The following DIP2C variants were observed in gnomAD, a reference collection of about 807,000 sequenced individuals.
DIP2C encodes disco-interacting protein 2 homolog C.
DIP2C carries 33 observed loss-of-function variants against 192.4 expected under a neutral mutation model. The observed-to-expected ratio is 0.17, with a 90% confidence interval of 0.13 to 0.23. The LOEUF is 0.23. Among genes scored for constraint, DIP2C ranks in the 10% least tolerant of loss-of-function variants. The pLI, the probability that DIP2C is intolerant of heterozygous loss-of-function variation, is 1.00. For missense variants in DIP2C, 1,537 were observed against 2,110.1 expected, an observed-to-expected ratio of 0.73 and a Z score of 5.32; for synonymous variants, 979 against 864.1, an observed-to-expected ratio of 1.13 and a Z score of -2.33.
chr10:470,638 G>A (rs1482749152), intron 3 of DIP2C, among the ~76,000 whole-genome samples: 1 of 152,144 alleles, frequency 6.6e-6, no homozygotes, highest in East Asian at 1.9e-4. Flanking sequence ...ATGATCCGAA[G>A]GTAAACACAG....
At chr10:369,448 G>C in intron 18 of DIP2C, 46 bp downstream of exon 18, 1 of 1,484,118 alleles carries the variant, frequency 6.7e-7, no homozygotes, top group Non-Finnish European at 9.0e-7. Flanking sequence ...TGTTAGAAAA[G>C]CATTTAATAA....
chr10:541,396 C>T (rs970598853), intron 1 of DIP2C, among the ~76,000 whole-genome samples: 7 of 151,914 alleles, frequency 4.6e-5, no homozygotes, highest in Non-Finnish European at 1.0e-4. Flanking sequence ...CTGACCACAC[C>T]CATCTCTCCT....
intron 32 of DIP2C, among the ~76,000 whole-genome samples, chr10:306,499 G>A (rs1376999483): frequency 3.9e-5 from 6 of 152,324 alleles, no homozygotes; most frequent in East Asian, 1.9e-4. Context: ...AATTGGGCAG[G>A]TGCCTTGGAG....
intron 7 of DIP2C, among the ~76,000 whole-genome samples, chr10:414,789 A>AT (rs1379708732): frequency 7.6e-6 from 1 of 130,736 alleles, no homozygotes; most frequent in African/African-American, 2.9e-5. Context: ...ATATATATAT[A>AT]AAATGTATAT....
intron 1 of DIP2C, among the ~76,000 whole-genome samples, chr10:503,702 C>G (rs816593): frequency 0.088 from 13,458 of 152,250 alleles, 1,483 homozygotes; most frequent in African/African-American, 0.27. Context: ...TCTGCTGTGC[C>G]AAACACCGAG....
At chr10:508,271 A>C (rs1845768162) in intron 1 of DIP2C, among the ~76,000 whole-genome samples, 1 of 151,952 alleles carries the variant, frequency 6.6e-6, no homozygotes, top group African/African-American at 2.4e-5. Flanking sequence ...AGAGCCCCTC[A>C]CCCACTCCAG....
At chr10:447,735 TCA>T (rs1414391576) in intron 3 of DIP2C, among the ~76,000 whole-genome samples, 1 of 110,002 alleles carries the variant, frequency 9.1e-6, no homozygotes, top group Non-Finnish European at 1.7e-5. Flanking sequence ...ATGCTCAGGA[TCA>T]CACACAGTAG....
intron 17 of DIP2C, among the ~76,000 whole-genome samples, chr10:376,060 A>C (rs1171392823): frequency 6.6e-6 from 1 of 152,226 alleles, no homozygotes; most frequent in Non-Finnish European, 1.5e-5. Context: ...CATTTGTTGA[A>C]TTCTTACTAT....
chr10:415,924 CA>C, intron 6 of DIP2C, 36 bp from the exon 7 acceptor site: 2 of 1,612,640 alleles, frequency 1.2e-6, no homozygotes. Flanking sequence ...GGAAAGCGAT[CA>C]TCACAGCTTC....
chr10:613,855 G>A (rs760889600), intron 1 of DIP2C, among the ~76,000 whole-genome samples: 7 of 151,696 alleles, frequency 4.6e-5, no homozygotes, highest in East Asian at 1.9e-4. Context: ...TTGGTTCCCC[G>A]GCCACCCTCC....
chr10:371,254 T>C (rs1482055389), intron 17 of DIP2C, among the ~76,000 whole-genome samples: 1 of 152,098 alleles, frequency 6.6e-6, no homozygotes, highest in Non-Finnish European at 1.5e-5. Context: ...AGTCAGGCAC[T>C]GTGAGCTTCA....
chr10:481,369 G>A (rs987488568), intron 2 of DIP2C, among the ~76,000 whole-genome samples: 1 of 152,222 alleles, frequency 6.6e-6, no homozygotes, highest in Non-Finnish European at 1.5e-5. Context: ...AAGCCCAGTG[G>A]GAGAATCTGC....
chr10:577,132 ATGAG>A (rs1564218350), intron 1 of DIP2C, among the ~76,000 whole-genome samples: 1 of 152,200 alleles, frequency 6.6e-6, no homozygotes, highest in African/African-American at 2.4e-5. Context: ...TATTCCATAA[ATGAG>A]TAAGTTCCAG....
At chr10:293,934 G>A (rs1297268637) in intron 32 of DIP2C, among the ~76,000 whole-genome samples, 2 of 152,170 alleles carry the variant, frequency 1.3e-5, no homozygotes, top group Non-Finnish European at 2.9e-5. Flanking sequence ...TCCAGAAACA[G>A]ATACCAATCA....
At chr10:438,353 C>A (rs186936328) in intron 4 of DIP2C, among the ~76,000 whole-genome samples, 3 of 152,210 alleles carry the variant, frequency 2.0e-5, no homozygotes. Flanking sequence ...CGGTTAGTGC[C>A]AAGAATTCGG....
intron 1 of DIP2C, among the ~76,000 whole-genome samples, chr10:564,101 G>T (rs941377048): frequency 1.3e-5 from 2 of 152,142 alleles, no homozygotes; most frequent in Admixed American, 1.3e-4. Context: ...AAAAAATATG[G>T]AACAGAAAAA....
chr10:678,548 C>T (rs1830957311), intron 1 of DIP2C, among the ~76,000 whole-genome samples: 3 of 151,688 alleles, frequency 2.0e-5, no homozygotes, highest in African/African-American at 7.3e-5. Context: ...CCCATCTCTG[C>T]TCCCCATGCC....
chr10:293,336 C>T (rs1589406021), intron 32 of DIP2C, among the ~76,000 whole-genome samples: 2 of 152,344 alleles, frequency 1.3e-5, no homozygotes, highest in East Asian at 3.9e-4. Context: ...GCAGGGAAAC[C>T]CGGTCATGGA....
chr10:324,326 CAT>C (rs1029617651), intron 31 of DIP2C, among the ~76,000 whole-genome samples: 71 of 152,332 alleles, frequency 4.7e-4, no homozygotes, highest in African/African-American at 1.5e-3. Flanking sequence ...AACACTGGCA[CAT>C]GTGATACTGA....
Sources: gnomAD v4.1 joint callset for allele counts (sites outside exome capture counted in the v4.1 genomes callset) on GRCh38, gnomAD v4.1.1 for gene constraint, MANE v1.5 for transcripts, NCBI Gene and HGNC (gene_info 2026-07-23, HGNC 2026-07-21) for gene names.